Variants in ARHGEF3 observed in about 807,000 individuals in gnomAD.
The protein encoded by ARHGEF3 is Rho guanine nucleotide exchange factor 3, also known as 59.8 kDA protein.
In ARHGEF3, 28 loss-of-function variants were observed where a neutral mutation model predicts 63.2. The observed-to-expected ratio is 0.44, with a 90% CI of 0.33 to 0.61. The LOEUF (loss-of-function observed/expected upper bound fraction) is 0.61. ARHGEF3 is among the 20% of genes least tolerant of loss of function. The pLI, the probability that ARHGEF3 is intolerant of heterozygous loss-of-function variation, is 0.03. For missense variants in ARHGEF3, 533 were observed against 659.3 expected, an observed-to-expected ratio of 0.81 and a Z score of 2.10; for synonymous variants, 266 against 254.2, an observed-to-expected ratio of 1.05 and a Z score of -0.44.
Position 56,729,390 on chromosome 3 carries a change from G to C in ARHGEF3, c.1461C>G (p.Asp487Glu). The C allele has an allele frequency of 6.2e-7, 1 of 1,614,032 alleles. No homozygotes were observed. The highest frequency in any genetic ancestry group is 8.5e-7 in the Non-Finnish European group (1 of 1,180,002). ...TACAGTCTGACTCACTGTCCGATTG[G>C]TCCATCTGCTCAAGTTTTGTTTCTC... ...LQGETKLEQM[D>E]QSDSESDCSM... The change falls in exon 10 of 10, where the codon GAC becomes GAG. Residue 487 changes from aspartate to glutamate, a missense_variant. Transcript: ENST00000296315.
Sources: allele counts gnomAD v4.1 joint callset, GRCh38; gene constraint gnomAD v4.1.1; transcripts MANE v1.5; gene names NCBI Gene and HGNC (gene_info 2026-07-23, HGNC 2026-07-21).